Variants in SCML2 observed in about 807,000 individuals in gnomAD.
SCML2 encodes Scm polycomb group protein like 2.
In SCML2, 6 loss-of-function variants were observed where a neutral mutation model predicts 48.4. The observed-to-expected ratio is 0.12, with a 90% CI of 0.07 to 0.24. The LOEUF (loss-of-function observed/expected upper bound fraction) is 0.24, where lower values mean the gene tolerates loss of function less well. SCML2 is among the 10% of genes least tolerant of loss of function. SCML2 has a pLI of 1.00. For missense variants in SCML2, 377 were observed against 528.2 expected (o/e 0.71, Z 2.81); for synonymous variants, 181 against 189.5 (o/e 0.95, Z 0.37).
intron 12 of SCML2, 121 bp from the exon 13 acceptor site, chrX:18,246,949 T>G: frequency 1.4e-6 from 1 of 706,250 alleles, no homozygotes; most frequent in South Asian, 2.7e-5. Context: ...TGAACCACAA[T>G]GCTCTAACAC....
At chrX:18,270,830 T>G (rs937329152) in intron 7 of SCML2, among the ~76,000 whole-genome samples, 3 of 111,301 alleles carry the variant, frequency 2.7e-5, no homozygotes, top group Non-Finnish European at 3.8e-5. Flanking sequence ...CACACAAACT[T>G]TGTGTGTTCA....
intron 6 of SCML2, 117 bp from the exon 7 acceptor site, chrX:18,305,332 C>A: frequency 3.2e-6 from 2 of 632,039 alleles, no homozygotes; most frequent in Non-Finnish European, 4.8e-6. Flanking sequence ...AATTAAGCTC[C>A]ATGTTTAATT....
intron 1 of SCML2, among the ~76,000 whole-genome samples, chrX:18,347,577 C>A (rs982926489): frequency 4.6e-5 from 5 of 107,869 alleles, no homozygotes; most frequent in Non-Finnish European, 9.6e-5. Context: ...CATGGCAAAA[C>A]CCCGTCTGCG....
At chrX:18,268,454 G>A (rs1486343911) in intron 7 of SCML2, among the ~76,000 whole-genome samples, 4 of 109,952 alleles carry the variant, frequency 3.6e-5, no homozygotes, top group African/African-American at 1.0e-4. Flanking sequence ...ACTTGAACCC[G>A]GGAGGCAGAG....
intron 7 of SCML2, among the ~76,000 whole-genome samples, chrX:18,299,554 A>G (rs1264878170): frequency 1.8e-5 from 2 of 110,335 alleles, no homozygotes; most frequent in Non-Finnish European, 3.8e-5. Flanking sequence ...CTGAATAGAC[A>G]CTTCTCAAAA....
chrX:18,314,986 G>A (rs5909450), intron 6 of SCML2, among the ~76,000 whole-genome samples: 22,532 of 107,585 alleles, frequency 0.21, 1,897 homozygotes, highest in Middle Eastern at 0.32. Flanking sequence ...CAGCTACTTG[G>A]GAGGCTGAGG....
At chrX:18,333,431 C>T (rs1929715639) in intron 2 of SCML2, among the ~76,000 whole-genome samples, 1 of 111,931 alleles carries the variant, frequency 8.9e-6, no homozygotes, top group Admixed American at 9.5e-5. Flanking sequence ...AAAGAACGTA[C>T]AAATTTGTAT....
intron 1 of SCML2, among the ~76,000 whole-genome samples, chrX:18,347,503 G>A (rs766235613): frequency 7.5e-5 from 8 of 106,150 alleles, no homozygotes; most frequent in East Asian, 3.0e-4. Flanking sequence ...TGTAATCCCC[G>A]CACTCTGGGA....
At chrX:18,274,157 CACTG>C (rs1318937877) in intron 7 of SCML2, among the ~76,000 whole-genome samples, 3 of 112,115 alleles carry the variant, frequency 2.7e-5, no homozygotes, top group Non-Finnish European at 5.6e-5. Context: ...GCTAAAAGAA[CACTG>C]ACTGTTAACA....
At chrX:18,280,464 A>G (rs1927792215) in intron 7 of SCML2, among the ~76,000 whole-genome samples, 1 of 112,189 alleles carries the variant, frequency 8.9e-6, no homozygotes, top group African/African-American at 3.2e-5. Flanking sequence ...TTAAGTCTAC[A>G]TAACAACCAG....
chrX:18,336,619 C>G (rs2147557701), intron 1 of SCML2, among the ~76,000 whole-genome samples: 1 of 109,479 alleles, frequency 9.1e-6, no homozygotes, highest in East Asian at 2.9e-4. Flanking sequence ...CGCCTGTAGT[C>G]CCAGCTACTC....
intron 6 of SCML2, among the ~76,000 whole-genome samples, chrX:18,318,747 T>G (rs967919483): frequency 4.5e-5 from 5 of 112,055 alleles, no homozygotes; most frequent in African/African-American, 1.6e-4. Context: ...AATATTTGCT[T>G]CCAGTAGAGC....
chrX:18,344,125 G>A (rs1431479599), intron 1 of SCML2, among the ~76,000 whole-genome samples: 1 of 109,685 alleles, frequency 9.1e-6, no homozygotes, highest in Non-Finnish European at 1.9e-5. Context: ...CTTGAGCCCA[G>A]AAGTTCAAGA....
At chrX:18,302,713 C>T (rs1928633998) in intron 7 of SCML2, among the ~76,000 whole-genome samples, 1 of 111,654 alleles carries the variant, frequency 9.0e-6, no homozygotes, top group Admixed American at 9.6e-5. Context: ...TCCCAAGCAC[C>T]TATAATCCCA....
intron 6 of SCML2, among the ~76,000 whole-genome samples, chrX:18,313,002 T>C (rs937499995): frequency 3.2e-5 from 3 of 93,398 alleles, no homozygotes; most frequent in East Asian, 7.0e-4. Flanking sequence ...TGTGTGTGTG[T>C]GTGTGCGCGT....
chrX:18,249,653 C>G lies in SCML2; in HGVS notation c.1457-1771G>C, dbSNP rs753293985. On this transcript the variant is annotated intron_variant, in intron 11 of 14. Transcript: ENST00000251900. ...AAAGGAAAAACTGGGTATAAGATGT[C>G]CCCTAGGAGACTTTGAAAAACACAA... Among the ~76,000 whole-genome samples the G allele has an allele frequency of 2.7e-5, 3 of 111,503 alleles. No homozygotes were observed. The East Asian group carries it at 8.4e-4, about 31-fold the overall frequency.
chrX:18,336,394 A>G (rs1230698887), intron 1 of SCML2, among the ~76,000 whole-genome samples: 1 of 103,845 alleles, frequency 9.6e-6, no homozygotes, highest in African/African-American at 3.6e-5. Flanking sequence ...AGCCGAGATC[A>G]TGCCACTGCA....
chrX:18,330,250 T>C lies in SCML2; in HGVS notation c.91+337A>G, dbSNP rs149143694. 7.7e-4 allele frequency among the ~76,000 whole-genome samples: 86 copies of C among 111,671 alleles called. 1 individual carries two copies. In the East Asian group the frequency reaches 0.021, roughly 27 times the overall value. On this transcript the variant is annotated intron_variant, in intron 3 of 14. Coordinates refer to ENST00000251900, the MANE Select transcript of SCML2 (RefSeq NM_006089.3). ...TGACCATGAAAAAAAAGCTTTCACA[T>C]TGACTGTAACGTTAGAAGGGTTTTT...
At chrX:18,288,671 A>G (rs1029108325) in intron 7 of SCML2, among the ~76,000 whole-genome samples, 8 of 112,227 alleles carry the variant, frequency 7.1e-5, no homozygotes, top group African/African-American at 2.6e-4. Flanking sequence ...TTCAATTACA[A>G]TATAAAAAAA....
Sources: allele counts gnomAD v4.1 joint callset (sites outside exome capture counted in the v4.1 genomes callset), GRCh38; gene constraint gnomAD v4.1.1; transcripts MANE v1.5; gene names NCBI Gene and HGNC (gene_info 2026-07-23, HGNC 2026-07-21).